Variants in TMEM131 observed in about 807,000 individuals in gnomAD.
TMEM131 encodes the protein transmembrane protein 131, also known as 2610524E03Rik.
Under a neutral mutation model 211.6 loss-of-function variants are expected in TMEM131, and 66 were observed. The ratio of observed to expected loss-of-function variants is 0.31; its 90% CI spans 0.26 to 0.38. TMEM131 has a LOEUF of 0.38. Among genes scored for constraint, TMEM131 ranks in the 10% least tolerant of loss-of-function variants. The pLI, the probability that TMEM131 is intolerant of heterozygous loss-of-function variation, is 1.00. For missense variants in TMEM131, 2,036 were observed against 2,299.3 expected (o/e 0.89, Z 2.34); for synonymous variants, 844 against 841.3 (o/e 1.00, Z -0.06).
At chr2:97,991,330 G>A (rs958888595) in intron 1 of TMEM131, among the ~76,000 whole-genome samples, 11 of 152,190 alleles carry the variant, frequency 7.2e-5, no homozygotes, top group Non-Finnish European at 1.6e-4. Flanking sequence ...GGAGCATGCA[G>A]GACTGAACAG....
intron 3 of TMEM131, among the ~76,000 whole-genome samples, chr2:97,904,795 GTTC>G (rs1191218540): frequency 4.1e-5 from 6 of 147,874 alleles, no homozygotes; most frequent in Non-Finnish European, 8.9e-5. Flanking sequence ...ATTGGCTATA[GTTC>G]TTTTTTTTTT....
chr2:97,776,105 G>A, intron 31 of TMEM131, 87 bp from the exon 32 acceptor site: 7 of 1,371,992 alleles, frequency 5.1e-6, no homozygotes, highest in Non-Finnish European at 6.9e-6. Flanking sequence ...CCAGGCTGGA[G>A]TGCAGTGGCG....
intron 1 of TMEM131, among the ~76,000 whole-genome samples, chr2:97,933,533 T>C (rs1332059729): frequency 6.6e-6 from 1 of 152,084 alleles, no homozygotes; most frequent in Non-Finnish European, 1.5e-5. Flanking sequence ...AAAAGAATGG[T>C]GGTGTTTGTA....
chr2:97,943,055 AAGAAAGAAAG>A (rs1318078481), intron 1 of TMEM131, among the ~76,000 whole-genome samples: 1 of 81,524 alleles, frequency 1.2e-5, no homozygotes, highest in Admixed American at 1.3e-4. Context: ...GAAAGAAAGA[AAGAAAGAAAG>A]AAAGAAAGAA....
intron 2 of TMEM131, chr2:97,911,706 T>A (rs768151263): frequency 2.8e-5 from 27 of 969,452 alleles, no homozygotes; most frequent in Non-Finnish European, 3.1e-5. Context: ...AGAAAATAAA[T>A]ATTGTTTTTG....
At chr2:97,820,950 TC>T (rs1481610597) in intron 11 of TMEM131, among the ~76,000 whole-genome samples, 1 of 152,076 alleles carries the variant, frequency 6.6e-6, no homozygotes, top group East Asian at 1.9e-4. Context: ...TTGCTTTTTT[TC>T]CCCCCACAAA....
intron 2 of TMEM131, among the ~76,000 whole-genome samples, 166 bp downstream of exon 2, chr2:97,927,260 C>T (rs546114984): frequency 3.3e-5 from 5 of 152,258 alleles, no homozygotes; most frequent in African/African-American, 9.6e-5. Context: ...AGAAAACTCA[C>T]GTAACTACAG....
chr2:97,839,565 A>G (rs1683099156), intron 7 of TMEM131, among the ~76,000 whole-genome samples: 1 of 152,234 alleles, frequency 6.6e-6, no homozygotes, highest in Admixed American at 6.5e-5. Context: ...AACATTATGT[A>G]CAGAATATAT....
intron 40 of TMEM131, among the ~76,000 whole-genome samples, chr2:97,758,048 C>T (rs926889747): frequency 2.6e-5 from 4 of 151,534 alleles, no homozygotes; most frequent in Non-Finnish European, 2.9e-5. Context: ...AGGAGAATGG[C>T]ATGAACCCAG....
At chr2:97,943,621 T>C (rs930512467) in intron 1 of TMEM131, among the ~76,000 whole-genome samples, 1 of 152,216 alleles carries the variant, frequency 6.6e-6, no homozygotes, top group Non-Finnish European at 1.5e-5. Context: ...AAATCTCACC[T>C]TGCTCTTTTG....
intron 5 of TMEM131, among the ~76,000 whole-genome samples, chr2:97,845,318 A>T (rs1318325315): frequency 6.6e-6 from 1 of 151,992 alleles, no homozygotes; most frequent in African/African-American, 2.4e-5. Context: ...TGCAGCTAAC[A>T]TGTTTACACA....
chr2:97,991,733 C>T lies in TMEM131; in HGVS notation c.187+3743G>A, dbSNP rs150984068. 8.9e-4 allele frequency among the ~76,000 whole-genome samples: 136 copies of T among 152,280 alleles called. 4 individuals carry two copies. The East Asian group carries it at 0.019, about 21-fold the overall frequency. ...GTAGGAAAAGGGCCTCTTGGTCTGG[C>T]AAGGCCAATCAGAGCGCTTGAGTCA... On this transcript the variant is annotated intron_variant, in intron 1 of 40. Transcript: ENST00000186436.
At chr2:97,855,280 T>C (rs1336299812) in intron 5 of TMEM131, among the ~76,000 whole-genome samples, 1 of 152,254 alleles carries the variant, frequency 6.6e-6, no homozygotes, top group Non-Finnish European at 1.5e-5. Flanking sequence ...AAAAAGCTAA[T>C]ACACTCAAAC....
At chr2:97,819,663 C>A (rs540273247) in intron 11 of TMEM131, among the ~76,000 whole-genome samples, 2 of 152,310 alleles carry the variant, frequency 1.3e-5, no homozygotes, top group East Asian at 3.9e-4. Flanking sequence ...TACTTTGAAT[C>A]TGAACCTTGG....
chr2:97,993,126 G>A (rs1680335543), intron 1 of TMEM131, among the ~76,000 whole-genome samples: 3 of 152,294 alleles, frequency 2.0e-5, no homozygotes, highest in African/African-American at 7.2e-5. Flanking sequence ...GTCTTTTAAA[G>A]ATTTTGCAGT....
intron 33 of TMEM131, among the ~76,000 whole-genome samples, chr2:97,768,593 A>G (rs751894815): frequency 7.9e-5 from 12 of 152,118 alleles, no homozygotes; most frequent in Non-Finnish European, 1.5e-4. Context: ...ACTTAATTGA[A>G]GCGATTCATT....
chr2:97,881,493 C>T (rs753915927), intron 4 of TMEM131, among the ~76,000 whole-genome samples: 4 of 151,918 alleles, frequency 2.6e-5, no homozygotes, highest in Non-Finnish European at 5.9e-5. Flanking sequence ...CAGGCGTGAG[C>T]CACAGCATCT....
Position 97,995,517 on chromosome 2 carries a change from A to T in TMEM131, c.146T>A (p.Val49Glu). 1 of 1,409,526 alleles carries T rather than the reference A, an allele frequency of 7.1e-7. No homozygotes were observed. The allele number at this position is 1,409,526 out of a possible 1,614,324, so 87.3% of individuals were successfully genotyped here. The part of the protein sequence containing the change: ...AAGLLGALHL[V>E]MTLVVAAARA... The stretch of plus-strand genomic sequence containing the variant: ...CGCCGCAGCCACTACGAGGGTCATC[A>T]CCAGGTGCAGCGCGCCTAGGAGGCC... The change falls in exon 1 of 41, where the codon GTG (valine) becomes GAG (glutamate). Residue 49 changes from valine to glutamate, a missense_variant. Coordinates refer to ENST00000186436, the MANE Select transcript of TMEM131 (RefSeq NM_015348.2).
intron 5 of TMEM131, among the ~76,000 whole-genome samples, chr2:97,858,734 A>T (rs778023265): frequency 3.9e-5 from 6 of 152,152 alleles, no homozygotes; most frequent in Non-Finnish European, 8.8e-5. Flanking sequence ...GGCCCTGAGG[A>T]GCTGAGAGGG....
Sources: allele counts gnomAD v4.1 joint callset (sites outside exome capture counted in the v4.1 genomes callset), GRCh38; gene constraint gnomAD v4.1.1; transcripts MANE v1.5; gene names NCBI Gene and HGNC (gene_info 2026-07-23, HGNC 2026-07-21).